UPP2: variants seen among roughly 807,000 people sequenced by gnomAD.
UPP2 encodes the protein UPase 2.
UPP2 carries 23 observed loss-of-function variants against 26.7 expected under a neutral mutation model. The ratio of observed to expected loss-of-function variants is 0.86; its 90% confidence interval spans 0.62 to 1.22. The LOEUF (loss-of-function observed/expected upper bound fraction) is 1.22. Among genes scored for constraint, UPP2 ranks in the 50% most tolerant of loss-of-function variants. The pLI is 0.00. For missense variants in UPP2, 387 were observed against 396.7 expected (o/e 0.98, Z 0.21); for synonymous variants, 127 against 141.3 (o/e 0.90, Z 0.72).
At chr2:158,105,024 GGGGAGGGGAGGGGAGGGGA>G (rs1683160874) in intron 1 of UPP2, among the ~76,000 whole-genome samples, 6 of 69,846 alleles carry the variant, frequency 8.6e-5, no homozygotes, top group Non-Finnish European at 1.3e-4. Context: ...GGGGAGGGGA[GGGGAGGGGAGGGGAGGGGA>G]GGGGGCAGGC....
chr2:157,996,747 G>A (rs750064846), intron 2 of UPP2, among the ~76,000 whole-genome samples: 12 of 152,080 alleles, frequency 7.9e-5, no homozygotes, highest in Non-Finnish European at 1.5e-4. Context: ...GACACATATC[G>A]ATGAAGCATA....
At chr2:158,112,961 T>A (rs1303627584) in intron 2 of UPP2, among the ~76,000 whole-genome samples, 1 of 152,206 alleles carries the variant, frequency 6.6e-6, no homozygotes, top group Non-Finnish European at 1.5e-5. Context: ...GTTTGAGACA[T>A]AAACACAGTA....
At chr2:158,021,504 C>T (rs1683751993) in intron 3 of UPP2, among the ~76,000 whole-genome samples, 1 of 152,180 alleles carries the variant, frequency 6.6e-6, no homozygotes, top group Non-Finnish European at 1.5e-5. Flanking sequence ...CGGAGGAGAA[C>T]AAAACACAGC....
intron 3 of UPP2, among the ~76,000 whole-genome samples, chr2:158,060,617 T>G (rs80206089): frequency 0.1 from 15,247 of 152,264 alleles, 1,010 homozygotes; most frequent in African/African-American, 0.19. Flanking sequence ...TGGACTAAAC[T>G]GTGTTCCCTC....
At chr2:158,084,658 G>A (rs1187786239) in intron 3 of UPP2, among the ~76,000 whole-genome samples, 1 of 152,138 alleles carries the variant, frequency 6.6e-6, no homozygotes, top group Non-Finnish European at 1.5e-5. Context: ...TACACCTCGA[G>A]TTGACTTTTG....
rs187321564 is a variant in UPP2, at chr2:158,061,130, G to C, written c.148-40910G>C. Among the ~76,000 whole-genome samples the C allele has an allele frequency of 5.3e-5, 8 of 152,240 alleles. No homozygotes were observed. In the South Asian group the frequency reaches 1.7e-3, roughly 32 times the overall value. On this transcript the variant is annotated intron_variant, in intron 3 of 9. Coordinates refer to the UPP2 transcript ENST00000605860. ...GGCTAACTATGTTAATTATAGCAAC[G>C]GGCCACAACCCCAGTCAGATTTCTT...
At chr2:158,086,148 G>T (rs1682811234) in intron 3 of UPP2, among the ~76,000 whole-genome samples, 1 of 151,750 alleles carries the variant, frequency 6.6e-6, no homozygotes, top group African/African-American at 2.4e-5. Context: ...TACTTTTCTT[G>T]GCATTTTTAA....
At chr2:158,064,311 C>T (rs975230590) in intron 3 of UPP2, among the ~76,000 whole-genome samples, 1 of 152,190 alleles carries the variant, frequency 6.6e-6, no homozygotes, top group Admixed American at 6.5e-5. Flanking sequence ...GATGGTATCT[C>T]ATTGTGGTTT....
chr2:158,062,189 C>T (rs1482974170), intron 3 of UPP2, among the ~76,000 whole-genome samples: 1 of 152,168 alleles, frequency 6.6e-6, no homozygotes, highest in East Asian at 1.9e-4. Flanking sequence ...ATGACGGAAA[C>T]ATTTTTTATT....
chr2:158,023,544 G>T (rs184083228), intron 3 of UPP2, among the ~76,000 whole-genome samples: 2 of 152,290 alleles, frequency 1.3e-5, no homozygotes, highest in Admixed American at 1.3e-4. Flanking sequence ...CCTGAAGCCA[G>T]CGACCTGTCC....
chr2:158,057,302 T>TA (rs551784067), intron 3 of UPP2, among the ~76,000 whole-genome samples: 93 of 152,302 alleles, frequency 6.1e-4, no homozygotes, highest in African/African-American at 2.0e-3. Flanking sequence ...TGGGGAGAGT[T>TA]AGGCTCCTGC....
chr2:158,007,617 TTCTCTC>T (rs769718138), intron 2 of UPP2, among the ~76,000 whole-genome samples: 1 of 150,298 alleles, frequency 6.7e-6, no homozygotes, highest in Non-Finnish European at 1.5e-5. Flanking sequence ...TTTCACGTAT[TTCTCTC>T]TCTCTCTTTT....
chr2:158,087,338 G>C (rs1682833501), intron 3 of UPP2, among the ~76,000 whole-genome samples: 1 of 152,050 alleles, frequency 6.6e-6, no homozygotes, highest in African/African-American at 2.4e-5. Flanking sequence ...CATTTGCATG[G>C]AATATCTTCT....
intron 3 of UPP2, among the ~76,000 whole-genome samples, chr2:158,078,810 T>C (rs76182665): frequency 0.065 from 9,948 of 152,068 alleles, 590 homozygotes; most frequent in East Asian, 0.14. Flanking sequence ...AGGAGAAATG[T>C]TTGAGGGGAT....
At chr2:157,997,722 C>A (rs558298790) in intron 2 of UPP2, among the ~76,000 whole-genome samples, 1 of 152,158 alleles carries the variant, frequency 6.6e-6, no homozygotes, top group Non-Finnish European at 1.5e-5. Flanking sequence ...TTTGAAATAG[C>A]CCAGCCATTT....
At chr2:158,060,065 A>T (rs1183500652) in intron 3 of UPP2, among the ~76,000 whole-genome samples, 1 of 152,110 alleles carries the variant, frequency 6.6e-6, no homozygotes, top group Non-Finnish European at 1.5e-5. Flanking sequence ...TTTCAACCAC[A>T]TCTGATTTGT....
intron 3 of UPP2, among the ~76,000 whole-genome samples, chr2:158,061,680 T>G (rs559370144): frequency 1.3e-5 from 2 of 152,262 alleles, no homozygotes; most frequent in Admixed American, 6.5e-5. Flanking sequence ...AAACAGTTTC[T>G]TCTAGATCAT....
intron 2 of UPP2, among the ~76,000 whole-genome samples, chr2:158,108,805 AC>A (rs774642400): frequency 3.9e-5 from 6 of 152,048 alleles, no homozygotes; most frequent in Admixed American, 2.6e-4. Flanking sequence ...GGATAAAAAG[AC>A]ATGCTCTGTT....
intron 2 of UPP2, among the ~76,000 whole-genome samples, chr2:158,106,915 T>A (rs1683209074): frequency 6.6e-6 from 1 of 152,244 alleles, no homozygotes; most frequent in African/African-American, 2.4e-5. Context: ...GACTTTAAAA[T>A]AGTTGTAATT....
Sources: gnomAD v4.1 joint callset for allele counts (sites outside exome capture counted in the v4.1 genomes callset) on GRCh38, gnomAD v4.1.1 for gene constraint, MANE v1.5 for transcripts, NCBI Gene and HGNC (gene_info 2026-07-23, HGNC 2026-07-21) for gene names.